The following KRIT1 variants were observed in gnomAD, a reference collection of about 807,000 sequenced individuals.
The protein encoded by KRIT1 is krev interaction trapped protein 1.
In KRIT1, 45 loss-of-function variants were observed where a neutral mutation model predicts 95.8. That is an observed-to-expected ratio of 0.47 (90% CI 0.37 to 0.60). The LOEUF is 0.60. Ranked by LOEUF, KRIT1 falls within the 20% of genes least tolerant of loss-of-function variation. The pLI is 0.00. For synonymous variants in KRIT1, 282 were observed against 278.8 expected (o/e 1.01, Z -0.11); for missense variants, 788 against 877.5 (o/e 0.90, Z 1.29).
chr7:92,240,523 A>T (rs965810316), intron 5 of KRIT1, among the ~76,000 whole-genome samples: 4 of 152,218 alleles, frequency 2.6e-5, no homozygotes, highest in Non-Finnish European at 2.9e-5. Flanking sequence ...GTAATATTTT[A>T]AATGGGGCCT....
chr7:92,230,072 G>A (rs1237863933), intron 10 of KRIT1, among the ~76,000 whole-genome samples: 2 of 152,144 alleles, frequency 1.3e-5, no homozygotes, highest in Non-Finnish European at 2.9e-5. Context: ...AATTCGAGAA[G>A]TAATAATAAA....
At chr7:92,219,486 T>G (rs1440756141) in intron 14 of KRIT1, among the ~76,000 whole-genome samples, 1 of 152,244 alleles carries the variant, frequency 6.6e-6, no homozygotes, top group Non-Finnish European at 1.5e-5. Context: ...TCAATTCTAT[T>G]CCATTGGTCT....
intron 4 of KRIT1, among the ~76,000 whole-genome samples, 183 bp from the exon 5 acceptor site, chr7:92,241,335 C>G (rs1025271415): frequency 1.2e-4 from 18 of 152,184 alleles, no homozygotes; most frequent in African/African-American, 4.1e-4. Flanking sequence ...CTGGTTCTTA[C>G]AGTTTTAAGA....
intron 10 of KRIT1, among the ~76,000 whole-genome samples, chr7:92,233,161 TACACAC>T (rs139965359): frequency 0.074 from 11,004 of 149,280 alleles, 837 homozygotes; most frequent in African/African-American, 0.2. Flanking sequence ...GATCTTTTTA[TACACAC>T]ACACACACAC....
At chr7:92,244,391 C>A (rs2031269070) in intron 2 of KRIT1, among the ~76,000 whole-genome samples, 1 of 152,182 alleles carries the variant, frequency 6.6e-6, no homozygotes. Context: ...TAATACTGCA[C>A]AGAAGCCTGA....
rs1795377103 is a variant in KRIT1, at chr7:92,222,708, A to G, written c.1411+114T>C. On this transcript the variant is annotated intron_variant, in intron 13 of 18. Coordinates refer to ENST00000394505, the MANE Select transcript of KRIT1 (RefSeq NM_194454.3). ...AGTAATTTATATAAAAGAGAAGAAC[A>G]TTGTATTATTTCAAAATTTAAGAGT... 2.2e-5 allele frequency: 16 copies of G among 711,314 alleles called. No individual in the cohort carries two copies. In the South Asian group the frequency reaches 2.3e-4, roughly 10 times the overall value. The allele number at this position is 711,314 out of a possible 1,614,324, so 44.1% of individuals were successfully genotyped here.
chr7:92,220,243 T>C (rs568391717), intron 14 of KRIT1, among the ~76,000 whole-genome samples: 1 of 152,218 alleles, frequency 6.6e-6, no homozygotes, highest in Non-Finnish European at 1.5e-5. Context: ...TGAAAGGGTG[T>C]TGGATTTTGT....
chr7:92,241,050 A>C lies in KRIT1; in HGVS notation c.205T>G (p.Leu69Val). 6.2e-7 allele frequency: 1 copy of C among 1,612,380 alleles called. No individual in the cohort carries two copies. Among genetic ancestry groups the C allele is most frequent in the Middle Eastern group, 1.7e-4 (1 of 6,058 alleles). Residue 69 changes from leucine to valine, a missense_variant, in exon 5 of 19, where the codon TTG (leucine) becomes GTG (valine). Coordinates refer to ENST00000394505, the MANE Select transcript of KRIT1 (RefSeq NM_194454.3). ...TTGGTGGTTTCTACTACGTAATCCA[A>C]TATGCCTTGTGTTATTTCACTGTTG... ...QGNSEITQGILDYVVETTKPI... is the reference protein window; with the variant it reads ...QGNSEITQGIVDYVVETTKPI...
intron 3 of KRIT1, 40 bp from the exon 4 acceptor site, chr7:92,242,177 T>C (rs1354745781): frequency 1.8e-6 from 2 of 1,118,022 alleles, no homozygotes; most frequent in South Asian, 2.5e-5. Flanking sequence ...AAAGATTAAA[T>C]GACACATTTG....
intron 17 of KRIT1, among the ~76,000 whole-genome samples, chr7:92,212,364 A>T (rs967798299): frequency 6.6e-6 from 1 of 152,210 alleles, no homozygotes. Context: ...TTCAAGTTGC[A>T]AAATGGCATT....
At chr7:92,213,437 A>G (rs1459813810) in intron 16 of KRIT1, 36 bp from the exon 17 acceptor site, 2 of 1,399,376 alleles carry the variant, frequency 1.4e-6, no homozygotes, top group Non-Finnish European at 2.0e-6. Flanking sequence ...AATAAAAGAG[A>G]TATGAAAGGA....
In KRIT1 at chr7:92,237,726, A is replaced by T. The variant is rs1445866560; in HGVS notation, c.296T>A (p.Leu99Gln). ...TTCTCTGCCCATCTTCTCTCCATCC[A>T]GAGGAAATTTTTTCATTAGTACAAC... ...KRVVLMKKFPLDGEKMGREAS... is the reference protein window; with the variant it reads ...KRVVLMKKFPQDGEKMGREAS... The change falls in exon 6 of 19, where the codon CTG becomes CAG. Residue 99 changes from leucine (L) to glutamine (Q), a missense_variant. This residue lies in a region of KRIT1 where 289 missense variants were observed against 277.5 expected (regional missense o/e 1.04). Transcript: ENST00000394505. 3.1e-6 allele frequency: 5 copies of T among 1,608,506 alleles called. No individual in the cohort carries two copies. Among genetic ancestry groups the T allele is most frequent in the Non-Finnish European group, 4.3e-6 (5 of 1,175,374 alleles).
At chr7:92,206,464 C>T (rs1412206395) in intron 17 of KRIT1, 1 of 152,266 alleles carries the variant, frequency 6.6e-6, no homozygotes, top group Non-Finnish European at 1.5e-5. Context: ...CTCTCAGACA[C>T]CGCTAATGCT....
intron 10 of KRIT1, among the ~76,000 whole-genome samples, chr7:92,230,811 A>G (rs1238630752): frequency 6.6e-6 from 1 of 152,188 alleles, no homozygotes; most frequent in Non-Finnish European, 1.5e-5. Flanking sequence ...TGACGCCTTA[A>G]ATTTTCTTTG....
intron 14 of KRIT1, among the ~76,000 whole-genome samples, chr7:92,221,578 C>T (rs1795158445): frequency 6.6e-6 from 1 of 152,188 alleles, no homozygotes; most frequent in Admixed American, 6.5e-5. Flanking sequence ...AACTGATCAG[C>T]CCTTTATTAA....
chr7:92,225,584 T>G (rs1584905423), intron 12 of KRIT1, 136 bp downstream of exon 12: 2 of 669,650 alleles, frequency 3.0e-6, no homozygotes, highest in Non-Finnish European at 5.4e-6. Context: ...TGAGCCACCA[T>G]ACCTGGCCTA....
At chr7:92,236,617 G>T in intron 6 of KRIT1, 75 bp from the exon 7 acceptor site, 2 of 999,266 alleles carry the variant, frequency 2.0e-6, no homozygotes, top group Non-Finnish European at 3.1e-6. Context: ...AAAAATACAT[G>T]TTAGAAAATG....
rs576921202 is a variant in KRIT1, at chr7:92,219,166, A to T, written c.1563+2736T>A. On this transcript the variant is annotated intron_variant, in intron 14 of 18. Transcript: ENST00000394505. ...CAGAGGTGTACCACCATGGCTGGCT[A>T]ATTTTTTGTATTTTTAGAAGAGATG... Among the ~76,000 whole-genome samples, 3 of 152,138 alleles carry T rather than the reference A, an allele frequency of 2.0e-5. No individual in the cohort carries two copies. In the East Asian group the frequency reaches 5.8e-4, roughly 29 times the overall value.
intron 10 of KRIT1, among the ~76,000 whole-genome samples, chr7:92,229,849 A>G (rs1332187200): frequency 2.0e-5 from 3 of 152,174 alleles, no homozygotes; most frequent in Non-Finnish European, 4.4e-5. Context: ...CCTACATACA[A>G]AAGATAAGTG....
Sources: gnomAD v4.1 joint callset for allele counts (sites outside exome capture counted in the v4.1 genomes callset) on GRCh38, gnomAD v4.1.1 for gene constraint, gnomAD v4.1.1 regional missense constraint, MANE v1.5 for transcripts, NCBI Gene and HGNC (gene_info 2026-07-23, HGNC 2026-07-21) for gene names.